GLRA2: variants seen among roughly 807,000 people sequenced by gnomAD.
GLRA2 encodes glycine receptor alpha 2, also known as glycine receptor subunit alpha-2.
In GLRA2, 11 loss-of-function variants were observed where a neutral mutation model predicts 31.6. The observed-to-expected ratio is 0.35, with a 90% confidence interval of 0.22 to 0.58. The LOEUF (loss-of-function observed/expected upper bound fraction) is 0.58. Among genes scored for constraint, GLRA2 ranks in the 20% least tolerant of loss-of-function variants. GLRA2 has a pLI of 0.84. For synonymous variants in GLRA2, 132 were observed against 134.0 expected, an observed-to-expected ratio of 0.99 and a Z score of 0.10; for missense variants, 212 against 351.8, an observed-to-expected ratio of 0.60 and a Z score of 3.18.
chrX:14,642,978 G>C (rs1478615369), intron 7 of GLRA2, among the ~76,000 whole-genome samples: 1 of 111,261 alleles, frequency 9.0e-6, no homozygotes, highest in African/African-American at 3.3e-5. Context: ...CCTAAAAACA[G>C]AGATATTTCT....
chrX:14,673,675 A>G (rs1203813956), intron 7 of GLRA2, among the ~76,000 whole-genome samples: 1 of 112,107 alleles, frequency 8.9e-6, no homozygotes, highest in Non-Finnish European at 1.9e-5. Context: ...TTTCCAAATA[A>G]CAGTTATTAA....
chrX:14,583,316 A>G (rs2090044197), intron 4 of GLRA2, among the ~76,000 whole-genome samples: 1 of 112,750 alleles, frequency 8.9e-6, no homozygotes, highest in Non-Finnish European at 1.9e-5. Flanking sequence ...TATTGGATAT[A>G]TACCCAAAGG....
intron 3 of GLRA2, among the ~76,000 whole-genome samples, chrX:14,578,847 C>A (rs181517010): frequency 9.0e-6 from 1 of 111,656 alleles, no homozygotes; most frequent in African/African-American, 3.3e-5. Flanking sequence ...CTCTTCCCAG[C>A]TTCCAAATGA....
At chrX:14,680,774 A>G (rs2091193028) in intron 7 of GLRA2, among the ~76,000 whole-genome samples, 1 of 112,121 alleles carries the variant, frequency 8.9e-6, no homozygotes, top group Non-Finnish European at 1.9e-5. Flanking sequence ...TGATTAAGAG[A>G]CTGAAAGGAC....
chrX:14,633,078 T>C (rs183024533), intron 7 of GLRA2, among the ~76,000 whole-genome samples: 4 of 111,965 alleles, frequency 3.6e-5, no homozygotes, highest in African/African-American at 1.3e-4. Flanking sequence ...AATAAAACCC[T>C]GATCCAATGG....
intron 3 of GLRA2, among the ~76,000 whole-genome samples, chrX:14,580,454 C>T: frequency 9.0e-6 from 1 of 111,287 alleles, no homozygotes; most frequent in African/African-American, 3.3e-5. Context: ...CAGTCACTGC[C>T]CCCAAGCTAT....
the GLRA2 span, among the ~76,000 whole-genome samples, chrX:14,503,104 G>T: frequency 2.7e-5 from 3 of 111,091 alleles, no homozygotes; most frequent in South Asian, 1.1e-3. Context: ...AATAACTTTT[G>T]GCAAGTAAGT....
rs1320134668 is a variant in GLRA2, at chrX:14,568,030, T to A, written c.203-6303T>A. Among the ~76,000 whole-genome samples the A allele has an allele frequency of 2.7e-5, 3 of 111,857 alleles. No individual in the cohort carries two copies. In the Admixed American group the frequency reaches 2.8e-4, roughly 11 times the overall value. On this transcript the variant is annotated intron_variant, in intron 2 of 8. Transcript: ENST00000218075. ...TTAAGTCATGAGTAGGAAGACAATA[T>A]ATTTAAGGTGTCAATACTACCCAAA...
At chrX:14,672,330 C>A (rs905972559) in intron 7 of GLRA2, among the ~76,000 whole-genome samples, 5 of 112,456 alleles carry the variant, frequency 4.4e-5, no homozygotes, top group Non-Finnish European at 7.5e-5. Flanking sequence ...ACTCAATGAG[C>A]CCAACCAAAA....
upstream of GLRA2, among the ~76,000 whole-genome samples, chrX:14,525,837 T>C (rs946550328): frequency 2.7e-5 from 3 of 112,025 alleles, no homozygotes; most frequent in African/African-American, 9.7e-5. Context: ...CATATGTACT[T>C]ATATTATTTT....
At position 14,687,753 on chromosome X, in the gene GLRA2, C is replaced by A. The variant is rs899387435; in HGVS notation, c.931-2957C>A. On this transcript the variant is annotated intron_variant, in intron 7 of 8. Coordinates refer to ENST00000218075, the MANE Select transcript of GLRA2 (RefSeq NM_002063.4). The stretch of plus-strand genomic sequence containing the variant: ...GCTTCTTTGTGATGGGTTCGAACTT[C>A]TTCCTTTAACTTGGAGAAGTTTGAT... 3.6e-5 allele frequency among the ~76,000 whole-genome samples: 4 copies of A among 112,028 alleles called. No individual in the cohort carries two copies. In the Admixed American group the frequency reaches 3.8e-4, roughly 11 times the overall value.
chrX:14,701,689 ATTC>A (rs2091543936), intron 8 of GLRA2, among the ~76,000 whole-genome samples: 1 of 112,941 alleles, frequency 8.9e-6, no homozygotes, highest in African/African-American at 3.2e-5. Flanking sequence ...CCACTTATTT[ATTC>A]TTTATTTGCA....
At chrX:14,717,116 C>T (rs151062375) in intron 8 of GLRA2, among the ~76,000 whole-genome samples, 25 of 111,056 alleles carry the variant, frequency 2.3e-4, no homozygotes, top group Admixed American at 7.7e-4. Context: ...CAGTGCCTGC[C>T]CTATAATAGG....
At chrX:14,689,934 C>T (rs931800886) in intron 7 of GLRA2, among the ~76,000 whole-genome samples, 6 of 112,197 alleles carry the variant, frequency 5.3e-5, no homozygotes, top group Non-Finnish European at 1.1e-4. Context: ...ACTTACTAAA[C>T]ACTTAAGCAA....
intron 7 of GLRA2, among the ~76,000 whole-genome samples, chrX:14,623,743 C>A (rs1413710229): frequency 9.0e-6 from 1 of 111,370 alleles, no homozygotes; most frequent in Non-Finnish European, 1.9e-5. Context: ...CTGCTGGATT[C>A]AGTTTGCCAG....
Position 14,590,392 on chromosome X carries a change from T to C in GLRA2, c.494+8986T>C, listed in dbSNP as rs192480808. Among the ~76,000 whole-genome samples the C allele has an allele frequency of 1.6e-3, 175 of 111,867 alleles. 1 individual carries two copies. Among genetic ancestry groups the C allele is most frequent in the Non-Finnish European group, 2.9e-3 (152 of 53,165 alleles). ...TGTCTAATGACCAACTCTACCCACA[T>C]ACATAAAAGGCTAGCTTTTCTCACA... On this transcript the variant is annotated intron_variant, in intron 4 of 8. Coordinates refer to ENST00000218075, the MANE Select transcript of GLRA2 (RefSeq NM_002063.4).
chrX:14,457,004 C>T, the GLRA2 span, among the ~76,000 whole-genome samples: 18 of 111,799 alleles, frequency 1.6e-4, no homozygotes, highest in Non-Finnish European at 3.2e-4. Context: ...TTTTTCTCCA[C>T]GTCCTCACCA....
chrX:14,467,098 A>G, the GLRA2 span, among the ~76,000 whole-genome samples: 7 of 112,327 alleles, frequency 6.2e-5, no homozygotes, highest in East Asian at 1.9e-3. Flanking sequence ...TATGTGCTAT[A>G]TTTTGATGTT....
chrX:14,496,541 G>T, the GLRA2 span, among the ~76,000 whole-genome samples: 4 of 111,953 alleles, frequency 3.6e-5, no homozygotes, highest in South Asian at 1.5e-3. Context: ...TTGGAAATCA[G>T]TGATTTAGCT....
Sources: allele counts gnomAD v4.1 joint callset (sites outside exome capture counted in the v4.1 genomes callset), GRCh38; gene constraint gnomAD v4.1.1; transcripts MANE v1.5; gene names NCBI Gene and HGNC (gene_info 2026-07-23, HGNC 2026-07-21).